The following CHI3L2 variants were observed in gnomAD, a reference collection of about 807,000 sequenced individuals.
CHI3L2 encodes chitinase-3-like protein 2.
In CHI3L2, 47 loss-of-function variants were observed where a neutral mutation model predicts 47.3. The ratio of observed to expected loss-of-function variants is 0.99; its 90% CI spans 0.79 to 1.27. CHI3L2 has a LOEUF of 1.27. CHI3L2 is among the 50% of genes most tolerant of loss of function. The pLI is 0.00. For missense variants in CHI3L2, 497 were observed against 462.1 expected (o/e 1.08, Z -0.69); for synonymous variants, 198 against 169.9 (o/e 1.17, Z -1.28).
At chr1:111,241,264 T>C in intron 8 of CHI3L2, 63 bp from the exon 9 acceptor site, 1 of 907,352 alleles carries the variant, frequency 1.1e-6, no homozygotes, top group African/African-American at 1.6e-5. Flanking sequence ...CTGCCCTGTC[T>C]ACCCCAACCA....
chr1:111,239,082 G>A, intron 8 of CHI3L2, 150 bp downstream of exon 8: 3 of 730,782 alleles, frequency 4.1e-6, no homozygotes, highest in Non-Finnish European at 6.2e-6. Flanking sequence ...CCTAACTCTG[G>A]GTTGGGAGAG....
At position 111,236,117 on chromosome 1, in the gene CHI3L2, G is replaced by T; in HGVS notation, c.699G>T (p.Gly233=). The part of the protein sequence containing the change: ...ITGHNSPLSK[G]WQDRGPSSYY... ...GCCACAACAGCCCTCTGAGCAAGGG[G>T]TGGCAGGACAGAGGGCCAAGCTCCT... The change falls in exon 7 of 11, where the codon GGG becomes GGT. Residue 233 remains glycine, a synonymous_variant. Transcript: ENST00000369748. 6.2e-7 allele frequency: 1 copy of T among 1,614,220 alleles called. No homozygotes were observed. Among genetic ancestry groups the T allele is most frequent in the African/African-American group, 1.3e-5 (1 of 75,052 alleles).
At position 111,231,271 on chromosome 1, in the gene CHI3L2, A is replaced by T; in HGVS notation, c.306A>T (p.Gly102=). The T allele has an allele frequency of 6.2e-7, 1 of 1,611,586 alleles. No individual in the cohort carries two copies. Among genetic ancestry groups the T allele is most frequent in the Admixed American group, 1.7e-5 (1 of 59,910 alleles). ...AACTGAAAATTCTCTTGTCCATTGG[A>T]GGGTACCTGTTTGGTTCCAAAGGGT... ...NPKLKILLSI[G]GYLFGSKGFH... is the part of the protein sequence containing the mutation. Residue 102 remains glycine, a synonymous_variant, in exon 4 of 11, where the codon GGA becomes GGT. Transcript: ENST00000369748.
chr1:111,234,812 G>A (rs1310625857), intron 4 of CHI3L2, 95 bp from the exon 5 acceptor site: 1 of 1,142,444 alleles, frequency 8.8e-7, no homozygotes, highest in African/African-American at 1.5e-5. Context: ...GAATATTGGG[G>A]AAGAGAAGAC....
chr1:111,238,701 C>T, intron 7 of CHI3L2, 49 bp from the exon 8 acceptor site: 2 of 1,585,872 alleles, frequency 1.3e-6, no homozygotes, highest in Non-Finnish European at 1.7e-6. Flanking sequence ...AAAGGTCTGA[C>T]ACCTTTCTTT....
Position 111,230,851 on chromosome 1 carries a change from C to T in CHI3L2, c.180C>T (p.Ile60=), listed in dbSNP as rs771938058. 3.7e-6 allele frequency: 6 copies of T among 1,614,068 alleles called. No homozygotes were observed. The East Asian group carries it at 1.1e-4, about 30-fold the overall frequency. ...ACCCCTTCCTATGCTCTCATCTCAT[C>T]TATTCATTCGCCAGCATCGAAAACA... ...NIDPFLCSHL[I]YSFASIENNK... Residue 60 remains isoleucine, a synonymous_variant, in exon 3 of 11, where the codon ATC becomes ATT. Transcript: ENST00000369748.
At chr1:111,242,526 T>G in intron 10 of CHI3L2, 160 bp downstream of exon 10, 1 of 585,350 alleles carries the variant, frequency 1.7e-6, no homozygotes, top group Non-Finnish European at 2.7e-6. Context: ...TTCTGCCCTT[T>G]TCATAGGCTT....
At chr1:111,235,165 G>A in intron 5 of CHI3L2, 108 bp downstream of exon 5, 1 of 1,169,076 alleles carries the variant, frequency 8.6e-7, no homozygotes, top group Non-Finnish European at 1.2e-6. Flanking sequence ...AGGAGATTGA[G>A]TCTAACAGCC....
At position 111,238,806 on chromosome 1, in the gene CHI3L2, G is replaced by A; in HGVS notation, c.792G>A (p.Met264Ile). 2 of 1,614,092 alleles carry A rather than the reference G, an allele frequency of 1.2e-6. No individual in the cohort carries two copies. The highest frequency in any genetic ancestry group is 1.1e-5 in the South Asian group (1 of 91,052). ...HKGMPSEKVVMGIPTYGHSFT... is the reference protein window; with the variant it reads ...HKGMPSEKVVIGIPTYGHSFT... ...GAATGCCATCAGAGAAGGTGGTCATGGGCATCCCCACATATGGGCACTCCT... is the reference window on the plus strand; with the variant it reads ...GAATGCCATCAGAGAAGGTGGTCATAGGCATCCCCACATATGGGCACTCCT... Residue 264 changes from methionine (M) to isoleucine (I), a missense_variant, in exon 8 of 11, where the codon ATG becomes ATA. Physicochemically the swap from Met to Ile is conservative, Grantham distance 10. Coordinates refer to ENST00000369748, the MANE Select transcript of CHI3L2 (RefSeq NM_004000.3).
chr1:111,243,148 G>A, intron 10 of CHI3L2, 69 bp from the exon 11 acceptor site: 1 of 456,006 alleles, frequency 2.2e-6, no homozygotes, highest in Non-Finnish European at 4.4e-6. Context: ...AGCATCCATT[G>A]TTTAGTAACT....
At chr1:111,240,142 TATC>T (rs1447609218) in intron 8 of CHI3L2, among the ~76,000 whole-genome samples, 1 of 149,830 alleles carries the variant, frequency 6.7e-6, no homozygotes, top group South Asian at 2.1e-4. Flanking sequence ...GAAAAAAAAA[TATC>T]ATTCTATATC....
Position 111,236,162 on chromosome 1 carries a change from G to A in CHI3L2, c.735+9G>A, listed in dbSNP as rs1373524143. 6 of 1,613,882 alleles carry A rather than the reference G, an allele frequency of 3.7e-6. No individual in the cohort carries two copies. Among genetic ancestry groups the A allele is most frequent in the Admixed American group, 3.3e-5 (2 of 59,986 alleles). On this transcript the variant is annotated intron_variant, in intron 7 of 10. Coordinates refer to ENST00000369748, the MANE Select transcript of CHI3L2 (RefSeq NM_004000.3). The stretch of plus-strand genomic sequence containing the variant: ...GCTCCTACTACAATGTGGTGAGTAG[G>A]CCAGGGGAACCGCAGGGGTACTGGC...
At position 111,230,893 on chromosome 1, in the gene CHI3L2, G is replaced by A; in HGVS notation, c.222G>A (p.Lys74=). The change falls in exon 3 of 11, where the codon AAG becomes AAA. Residue 74 remains lysine (K), a synonymous_variant. Transcript: ENST00000369748. ...ASIENNKVII[K]DKSEVMLYQT... Reference sequence around the variant, plus strand: ...TCGAAAACAACAAGGTTATCATCAAGGACAAGAGTGAAGTGATGCTCTACC... The same window carrying A: ...TCGAAAACAACAAGGTTATCATCAAAGACAAGAGTGAAGTGATGCTCTACC... 6.2e-7 allele frequency: 1 copy of A among 1,614,096 alleles called. No homozygotes were observed. Among genetic ancestry groups the A allele is most frequent in the Non-Finnish European group, 8.5e-7 (1 of 1,180,012 alleles).
chr1:111,229,860 G>A lies in CHI3L2; in HGVS notation c.49G>A (p.Val17Ile). 1.9e-6 allele frequency: 3 copies of A among 1,613,858 alleles called. No homozygotes were observed. Among genetic ancestry groups the A allele is most frequent in the African/African-American group, 1.3e-5 (1 of 74,926 alleles). ...DQKSLWAGVV[V>I]LLLLQGGSAY... ...CCACCCATCTATTGCAGGTGTAGTG[G>A]TCTTGCTGCTTCTCCAGGGAGGTAA... Residue 17 changes from valine to isoleucine, a missense_variant, in exon 2 of 11, where the codon GTC becomes ATC. By Grantham distance (29) the Val-to-Ile change is conservative (BLOSUM62 3). Transcript: ENST00000369748.
Position 111,232,920 on chromosome 1 carries a change from T to A in CHI3L2, c.329+1626T>A, listed in dbSNP as rs1280924748. On this transcript the variant is annotated intron_variant, in intron 4 of 10. Transcript: ENST00000369748. ...GTTTTCTGATATCAGGCCAGTTTCT[T>A]GCTATCTCTTCAACTTCAAAGATGA... is the stretch of plus-strand genomic sequence containing the variant. Among the ~76,000 whole-genome samples the A allele has an allele frequency of 2.6e-5, 4 of 152,212 alleles. No individual in the cohort carries two copies. In the East Asian group the frequency reaches 7.7e-4, roughly 29 times the overall value.
intron 8 of CHI3L2, 96 bp downstream of exon 8, chr1:111,239,028 C>A: frequency 1.6e-6 from 2 of 1,262,470 alleles, no homozygotes; most frequent in Non-Finnish European, 1.1e-6. Context: ...CTGAGTGTTG[C>A]GAAGGGGAAA....
intron 4 of CHI3L2, among the ~76,000 whole-genome samples, chr1:111,232,261 C>A (rs1041597723): frequency 1.3e-5 from 2 of 152,228 alleles, no homozygotes; most frequent in Admixed American, 1.3e-4. Flanking sequence ...TGGCACCCAT[C>A]CTTCTAATTA....
intron 1 of CHI3L2, 92 bp from the exon 2 acceptor site, chr1:111,229,760 A>G: frequency 6.5e-7 from 1 of 1,531,548 alleles, no homozygotes. Context: ...TCTATCTTGT[A>G]TGTGAGCACA....
chr1:111,234,761 G>A, intron 4 of CHI3L2, 146 bp from the exon 5 acceptor site: 1 of 739,460 alleles, frequency 1.4e-6, no homozygotes, highest in Non-Finnish European at 2.2e-6. Flanking sequence ...TCTCTCGTCT[G>A]TTCCAAAAGG....
Sources: gnomAD v4.1 joint callset for allele counts (sites outside exome capture counted in the v4.1 genomes callset) on GRCh38, gnomAD v4.1.1 for gene constraint, MANE v1.5 for transcripts, NCBI Gene and HGNC (gene_info 2026-07-23, HGNC 2026-07-21) for gene names.